Variants in ELL observed in about 807,000 individuals in gnomAD.
The protein encoded by ELL is RNA polymerase II elongation factor ELL.
In ELL, 18 loss-of-function variants were observed where a neutral mutation model predicts 64.0. That is an observed-to-expected ratio of 0.28 (90% confidence interval 0.19 to 0.42). The LOEUF (loss-of-function observed/expected upper bound fraction) is 0.42. ELL is among the 10% of genes least tolerant of loss of function. The pLI, the probability that ELL is intolerant of heterozygous loss-of-function variation, is 1.00. For synonymous variants in ELL, 399 were observed against 376.2 expected, an observed-to-expected ratio of 1.06 and a Z score of -0.70; for missense variants, 797 against 870.4, an observed-to-expected ratio of 0.92 and a Z score of 1.06.
intron 1 of ELL, among the ~76,000 whole-genome samples, chr19:18,492,238 G>T (rs1975548435): frequency 6.6e-6 from 1 of 152,186 alleles, no homozygotes; most frequent in Admixed American, 6.5e-5. Flanking sequence ...CGGTGACCTG[G>T]AAGCTTCCTC....
intron 1 of ELL, among the ~76,000 whole-genome samples, chr19:18,513,631 C>T (rs575574673): frequency 6.6e-6 from 1 of 152,270 alleles, no homozygotes; most frequent in Admixed American, 6.5e-5. Context: ...TCACAGGATG[C>T]TTTTAAAACA....
At chr19:18,497,591 G>A (rs1321848639) in intron 1 of ELL, among the ~76,000 whole-genome samples, 1 of 151,784 alleles carries the variant, frequency 6.6e-6, no homozygotes. Context: ...AGGCCTGGGT[G>A]GGAAGATCAC....
At chr19:18,506,482 A>G (rs1975887217) in intron 1 of ELL, among the ~76,000 whole-genome samples, 1 of 152,226 alleles carries the variant, frequency 6.6e-6, no homozygotes, top group Non-Finnish European at 1.5e-5. Flanking sequence ...AGCCCAGCAC[A>G]TTGGGAGGCC....
At position 18,444,887 on chromosome 19, in the gene ELL, A is replaced by G. The variant is rs781170275; in HGVS notation, c.1750-19T>C. ...TGTTGGTCTGTGGGACAGCACAGTC[A>G]TGCTCAGGACAGAGCCGCCCTGGGT... On this transcript the variant is annotated intron_variant, in intron 11 of 11. Coordinates refer to ENST00000262809, the MANE Select transcript of ELL (RefSeq NM_006532.4). 10 of 1,607,054 alleles carry G rather than the reference A, an allele frequency of 6.2e-6. No individual in the cohort carries two copies. The highest frequency in any genetic ancestry group is 8.5e-6 in the Non-Finnish European group (10 of 1,177,690).
chr19:18,503,143 A>G (rs1975816165), intron 1 of ELL, among the ~76,000 whole-genome samples: 1 of 152,250 alleles, frequency 6.6e-6, no homozygotes, highest in Admixed American at 6.5e-5. Context: ...GCACTGTGCC[A>G]GGCTGGCACC....
At chr19:18,450,342 C>A in intron 8 of ELL, 135 bp downstream of exon 8, 1 of 1,415,648 alleles carries the variant, frequency 7.1e-7, no homozygotes, top group South Asian at 1.4e-5. Flanking sequence ...CAGGGCAAAT[C>A]TGATGGGGCC....
intron 5 of ELL, 128 bp from the exon 6 acceptor site, chr19:18,458,457 AG>A (rs1974730168): frequency 7.0e-7 from 1 of 1,427,264 alleles, no homozygotes; most frequent in African/African-American, 1.4e-5. Flanking sequence ...GACAGAGGAG[AG>A]GAAAGAGGAT....
Position 18,444,676 on chromosome 19 carries a change from A to T in ELL, c.*76T>A. 15 of 1,443,452 alleles carry T rather than the reference A, an allele frequency of 1.0e-5. No homozygotes were observed. Among genetic ancestry groups the T allele is most frequent in the Non-Finnish European group, 1.4e-5 (15 of 1,071,074 alleles). 89.4% of individuals were successfully genotyped at this position (1,443,452 alleles called of 1,614,324 possible). On this transcript the variant is annotated 3_prime_UTR_variant, in exon 12 of 12. Transcript: ENST00000262809. ...TCAGATGAGCATCTTCCTCGGGTTT[A>T]TTTTTTTAAATAAATCCTCTCTCAC...
chr19:18,468,199 C>G (rs1364253305), intron 2 of ELL, among the ~76,000 whole-genome samples: 1 of 147,674 alleles, frequency 6.8e-6, no homozygotes, highest in African/African-American at 2.6e-5. Flanking sequence ...CCCACACAAA[C>G]ACAACCCCCA....
At chr19:18,468,604 G>C (rs1381167317) in intron 2 of ELL, among the ~76,000 whole-genome samples, 1 of 152,230 alleles carries the variant, frequency 6.6e-6, no homozygotes, top group Non-Finnish European at 1.5e-5. Context: ...AAAAAGAGTG[G>C]CTGTGGGAAC....
At position 18,446,556 on chromosome 19, in the gene ELL, C is replaced by G. The variant is rs1002703084; in HGVS notation, c.1533-76G>C. 524 of 1,552,560 alleles carry G rather than the reference C, an allele frequency of 3.4e-4. 1 individual carries two copies. The highest frequency in any genetic ancestry group is 3.5e-4 in the Admixed American group (18 of 51,846). On this transcript the variant is annotated intron_variant, in intron 9 of 11. Transcript: ENST00000262809. ...CACCCAGGAAGTGGCCATCCTGGCT[C>G]CACCGGCGGCCTGGCCTCTCGGGTG...
intron 1 of ELL, among the ~76,000 whole-genome samples, chr19:18,497,037 C>G (rs951124897): frequency 7.9e-5 from 12 of 152,206 alleles, no homozygotes; most frequent in African/African-American, 2.9e-4. Context: ...AATTGCACGC[C>G]TTGGTATTTG....
chr19:18,450,358 C>T, intron 8 of ELL, 119 bp downstream of exon 8: 2 of 1,466,774 alleles, frequency 1.4e-6, no homozygotes, highest in East Asian at 2.4e-5. Context: ...GGGCCTGGGG[C>T]AACAGGGTCC....
At chr19:18,475,548 T>C (rs1253319963) in intron 1 of ELL, among the ~76,000 whole-genome samples, 2 of 152,210 alleles carry the variant, frequency 1.3e-5, no homozygotes, top group South Asian at 2.1e-4. Context: ...TGAACATTTA[T>C]AGCAGAATTA....
chr19:18,495,016 G>C (rs1975617784), intron 1 of ELL, among the ~76,000 whole-genome samples: 1 of 152,204 alleles, frequency 6.6e-6, no homozygotes, highest in African/African-American at 2.4e-5. Flanking sequence ...ACTCAATCAA[G>C]GTGTGGGCTA....
intron 4 of ELL, among the ~76,000 whole-genome samples, chr19:18,462,370 C>CGGGGGGGG (rs869305278): frequency 7.8e-4 from 18 of 23,040 alleles, no homozygotes; most frequent in Admixed American, 1.4e-3. Context: ...TGTGTTTGGG[C>CGGGGGGGG]GGGGGGCGGG....
intron 1 of ELL, among the ~76,000 whole-genome samples, chr19:18,491,248 AATTTTTTTTTTTTTTTTTTTTT>A (rs1975525757): frequency 1.0e-5 from 1 of 100,100 alleles, no homozygotes; most frequent in Non-Finnish European, 1.9e-5. Flanking sequence ...ACACCTGGCT[AATTTTTTTTTTTTTTTTTTTTT>A]TTTTTTTTTT....
chr19:18,502,407 G>A (rs1477056492), intron 1 of ELL, among the ~76,000 whole-genome samples: 1 of 152,220 alleles, frequency 6.6e-6, no homozygotes, highest in East Asian at 1.9e-4. Flanking sequence ...GGCCAGGCCT[G>A]TGGTGACTGT....
chr19:18,520,876 CCTGACCACTGGTCATCTGCAACTT>C (rs1197866766), intron 1 of ELL, among the ~76,000 whole-genome samples: 3 of 152,040 alleles, frequency 2.0e-5, no homozygotes, highest in Non-Finnish European at 4.4e-5. Flanking sequence ...CCCCTCGGGA[CCTGACCACTGGTCATCTGCAACTT>C]CTGACCCAGC....
Sources: allele counts gnomAD v4.1 joint callset (sites outside exome capture counted in the v4.1 genomes callset), GRCh38; gene constraint gnomAD v4.1.1; transcripts MANE v1.5; gene names NCBI Gene and HGNC (gene_info 2026-07-23, HGNC 2026-07-21).